The following ARHGAP10 variants were observed in gnomAD, a reference collection of about 807,000 sequenced individuals.
ARHGAP10 encodes the protein rho GTPase-activating protein 10.
Under a neutral mutation model 108.6 loss-of-function variants are expected in ARHGAP10, and 87 were observed. The observed-to-expected ratio is 0.80, with a 90% CI of 0.67 to 0.96. The LOEUF is 0.96. Ranked by LOEUF, ARHGAP10 falls within the 40% of genes least tolerant of loss-of-function variation. The pLI is 0.00. For missense variants in ARHGAP10, 939 were observed against 954.5 expected (o/e 0.98, Z 0.21); for synonymous variants, 347 against 341.1 (o/e 1.02, Z -0.19).
intron 18 of ARHGAP10, among the ~76,000 whole-genome samples, chr4:147,972,262 A>G (rs1163616323): frequency 6.6e-6 from 1 of 152,212 alleles, no homozygotes; most frequent in East Asian, 1.9e-4. Flanking sequence ...GTCTACTATA[A>G]AGGGTATTAA....
At chr4:148,018,982 G>A (rs1178105905) in intron 18 of ARHGAP10, among the ~76,000 whole-genome samples, 1 of 152,222 alleles carries the variant, frequency 6.6e-6, no homozygotes, top group Non-Finnish European at 1.5e-5. Flanking sequence ...CCTAGTAGGT[G>A]TTTGTTAAAT....
chr4:148,029,971 G>C (rs1728062557), intron 19 of ARHGAP10, among the ~76,000 whole-genome samples: 1 of 151,332 alleles, frequency 6.6e-6, no homozygotes, highest in African/African-American at 2.4e-5. Context: ...TGTCTCCCCA[G>C]AAACCTCCCG....
rs181264222 is a variant in ARHGAP10 at position 147,803,292 on chromosome 4, A to T, written c.155-19435A>T. On this transcript the variant is annotated intron_variant, in intron 1 of 22. Coordinates refer to ENST00000336498, the MANE Select transcript of ARHGAP10 (RefSeq NM_024605.4). ...CCAAAGTGCTGGGATTACAGGCATG[A>T]GCCACTGCATCCAGCCTATTTATTT... Among the ~76,000 whole-genome samples, 1,015 of 152,312 alleles carry T rather than the reference A, an allele frequency of 6.7e-3. 7 individuals are homozygous for T. Among genetic ancestry groups the T allele is most frequent in the Non-Finnish European group, 0.012 (800 of 68,022 alleles).
intron 1 of ARHGAP10, among the ~76,000 whole-genome samples, chr4:147,759,705 CT>C (rs1161160702): frequency 4.6e-5 from 7 of 151,946 alleles, no homozygotes; most frequent in Non-Finnish European, 1.0e-4. Flanking sequence ...TTTGCATGCT[CT>C]TTTTTTCAGA....
At chr4:147,851,555 A>G (rs189507076) in intron 4 of ARHGAP10, among the ~76,000 whole-genome samples, 273 of 152,340 alleles carry the variant, frequency 1.8e-3, no homozygotes, top group Non-Finnish European at 2.2e-3. Context: ...GATTCTATAA[A>G]TTACTACAAA....
chr4:147,992,734 A>G (rs1418307465), intron 18 of ARHGAP10, among the ~76,000 whole-genome samples: 1 of 152,188 alleles, frequency 6.6e-6, no homozygotes, highest in Non-Finnish European at 1.5e-5. Context: ...AAAGGTTTAA[A>G]ACAATTTCTA....
intron 1 of ARHGAP10, among the ~76,000 whole-genome samples, chr4:147,781,362 C>T (rs555750099): frequency 6.6e-6 from 1 of 152,224 alleles, no homozygotes; most frequent in African/African-American, 2.4e-5. Context: ...CAAACTGGGA[C>T]ATGATTTCAT....
At chr4:147,942,610 C>T (rs938519966) in intron 14 of ARHGAP10, among the ~76,000 whole-genome samples, 3 of 152,080 alleles carry the variant, frequency 2.0e-5, no homozygotes, top group African/African-American at 4.8e-5. Flanking sequence ...CCTTTGTTCC[C>T]TCCTTATCCT....
At chr4:147,861,429 CCTT>C (rs930628291) in intron 5 of ARHGAP10, 52 of 152,650 alleles carry the variant, frequency 3.4e-4, no homozygotes, top group African/African-American at 1.2e-3. Context: ...GCTCTTCTCT[CCTT>C]CTCGTCGCCC....
chr4:147,973,616 A>G (rs1217771092), intron 18 of ARHGAP10, among the ~76,000 whole-genome samples: 1 of 152,172 alleles, frequency 6.6e-6, no homozygotes, highest in Admixed American at 6.5e-5. Flanking sequence ...TGTGCTATCA[A>G]ATACTGAATT....
intron 18 of ARHGAP10, among the ~76,000 whole-genome samples, chr4:147,974,151 T>A (rs921980679): frequency 1.3e-5 from 2 of 152,182 alleles, no homozygotes; most frequent in Non-Finnish European, 2.9e-5. Flanking sequence ...ACCAAGAGTG[T>A]ACAGGGGTTC....
chr4:147,859,295 G>A (rs554328458), intron 5 of ARHGAP10, among the ~76,000 whole-genome samples: 6 of 136,436 alleles, frequency 4.4e-5, no homozygotes, highest in Middle Eastern at 3.8e-3. Flanking sequence ...TTTTTGAGAT[G>A]GAGTTTTGCT....
At chr4:147,901,345 G>C (rs1736229093) in intron 10 of ARHGAP10, among the ~76,000 whole-genome samples, 1 of 152,214 alleles carries the variant, frequency 6.6e-6, no homozygotes, top group Admixed American at 6.5e-5. Context: ...TTTAATACTA[G>C]TGGCTGATCC....
chr4:147,959,006 G>GT (rs367849718), intron 16 of ARHGAP10, among the ~76,000 whole-genome samples: 144 of 146,202 alleles, frequency 9.8e-4, no homozygotes, highest in Admixed American at 1.1e-3. Context: ...TAGTATCCTA[G>GT]TTTTTTTTTT....
At chr4:147,915,142 G>GT (rs1210664212) in intron 13 of ARHGAP10, among the ~76,000 whole-genome samples, 45 of 152,210 alleles carry the variant, frequency 3.0e-4, no homozygotes, top group African/African-American at 1.1e-3. Context: ...AAACTAGTGT[G>GT]TAGGATATCG....
At chr4:147,781,204 A>G (rs1183637610) in intron 1 of ARHGAP10, among the ~76,000 whole-genome samples, 4 of 152,096 alleles carry the variant, frequency 2.6e-5, no homozygotes, top group Admixed American at 6.6e-5. Flanking sequence ...TAAAAAATAC[A>G]AAATTTAGCT....
At chr4:147,792,771 T>C (rs1731168401) in intron 1 of ARHGAP10, among the ~76,000 whole-genome samples, 2 of 152,156 alleles carry the variant, frequency 1.3e-5, no homozygotes, top group South Asian at 4.1e-4. Context: ...TCTTTTGTGT[T>C]TTTAGTTTCA....
intron 1 of ARHGAP10, among the ~76,000 whole-genome samples, chr4:147,740,034 C>T (rs2126678023): frequency 6.7e-6 from 1 of 148,452 alleles, no homozygotes; most frequent in South Asian, 2.1e-4. Context: ...CTGCGTCTGG[C>T]CTTACTGGGT....
intron 4 of ARHGAP10, among the ~76,000 whole-genome samples, chr4:147,849,079 C>T (rs140206114): frequency 2.0e-5 from 3 of 152,214 alleles, no homozygotes; most frequent in East Asian, 1.9e-4. Flanking sequence ...GTGAAGAGCC[C>T]GTCATTGTAG....
Sources: gnomAD v4.1 joint callset for allele counts (sites outside exome capture counted in the v4.1 genomes callset) on GRCh38, gnomAD v4.1.1 for gene constraint, MANE v1.5 for transcripts, NCBI Gene and HGNC (gene_info 2026-07-23, HGNC 2026-07-21) for gene names.